SEPTIN3: variants seen among roughly 807,000 people sequenced by gnomAD.
SEPTIN3 encodes the protein neuronal-specific septin-3.
Under a neutral mutation model 45.1 loss-of-function variants are expected in SEPTIN3, and 15 were observed. The ratio of observed to expected loss-of-function variants is 0.33; its 90% confidence interval spans 0.22 to 0.51. The LOEUF (loss-of-function observed/expected upper bound fraction) is 0.51. SEPTIN3 is among the 20% of genes least tolerant of loss of function. SEPTIN3 has a pLI of 0.97. For synonymous variants in SEPTIN3, 148 were observed against 164.8 expected (o/e 0.90, Z 0.78); for missense variants, 289 against 457.2 (o/e 0.63, Z 3.35).
At chr22:41,992,500 T>C (rs182293638) in intron 8 of SEPTIN3, among the ~76,000 whole-genome samples, 164 bp from the exon 9 acceptor site, 6 of 152,314 alleles carry the variant, frequency 3.9e-5, no homozygotes, top group Non-Finnish European at 7.4e-5. Flanking sequence ...GGTGCTCTTT[T>C]CAAGAGACTG....
intron 2 of SEPTIN3, among the ~76,000 whole-genome samples, chr22:41,973,780 A>G (rs964593336): frequency 3.9e-5 from 6 of 152,118 alleles, no homozygotes. Flanking sequence ...CAGGAGTTCA[A>G]GACTAGCCTG....
In SEPTIN3 at chr22:41,994,532, T is replaced by C. The variant is rs1217417922; in HGVS notation, c.2412-89T>C. Reference sequence around the variant, plus strand: ...GCTCCTGGGAGTGGTTCCCATTCACTGGGTCCAGTCCCTCGAAGTGATGTG... The same window carrying C: ...GCTCCTGGGAGTGGTTCCCATTCACCGGGTCCAGTCCCTCGAAGTGATGTG... On this transcript the variant is annotated intron_variant, in intron 10 of 11. Coordinates refer to ENST00000644076, the MANE Select transcript of SEPTIN3 (RefSeq NM_001363845.2). This position sits in a 1 kb window ranked among gnomAD's most constrained non-coding sequence, Gnocchi z 4.2. The C allele has an allele frequency of 6.3e-7, 1 of 1,588,178 alleles. No homozygotes were observed. Among genetic ancestry groups the C allele is most frequent in the African/African-American group, 1.3e-5 (1 of 74,328 alleles).
chr22:41,988,751 G>A (rs1009383986), intron 6 of SEPTIN3, among the ~76,000 whole-genome samples: 14 of 152,094 alleles, frequency 9.2e-5, no homozygotes, highest in Non-Finnish European at 5.9e-5. Flanking sequence ...TTGTGGGAAG[G>A]GCAAGGCCTC....
chr22:41,985,754 G>A, intron 3 of SEPTIN3: 1 of 387,768 alleles, frequency 2.6e-6, no homozygotes, highest in Non-Finnish European at 4.7e-6. Context: ...GTGGCTCTGG[G>A]AAGGAGAGAA....
intron 7 of SEPTIN3, among the ~76,000 whole-genome samples, chr22:41,990,550 C>G (rs917515026): frequency 1.6e-4 from 23 of 141,930 alleles, no homozygotes; most frequent in Middle Eastern, 5.0e-3. Flanking sequence ...TCAAGACCAT[C>G]CTGGCTAACA....
At position 41,996,895 on chromosome 22, in the gene SEPTIN3, C is replaced by T. The variant is rs1422606270; in HGVS notation, c.2506-7C>T. The stretch of plus-strand genomic sequence containing the variant: ...CACACCCTCAACCGTTCTCAACCCC[C>T]CTGCAGGGAGAAGGCCTCCTGGGCA... On this transcript the variant is annotated splice_polypyrimidine_tract_variant and splice_region_variant and intron_variant, in intron 11 of 11. Coordinates refer to ENST00000644076, the MANE Select transcript of SEPTIN3 (RefSeq NM_001363845.2). 6.2e-7 allele frequency: 1 copy of T among 1,613,946 alleles called. No individual in the cohort carries two copies. Among genetic ancestry groups the T allele is most frequent in the Admixed American group, 1.7e-5 (1 of 60,008 alleles).
rs2077970928 is a variant in SEPTIN3, at chr22:41,972,613, T to C, written c.1121T>C (p.Met374Thr). ...ACAAGAAGCACAGCCAAACCAGATA[T>C]GACCACAGAGGGTATAGCCATGGAT... is the stretch of plus-strand genomic sequence containing the variant. Reference protein sequence around the residue: ...MATRSTAKPDMTTEGIAMDSA... With the variant: ...MATRSTAKPDTTTEGIAMDSA... The change falls in exon 2 of 12, where the codon ATG (methionine) becomes ACG (threonine). Residue 374 changes from methionine (M) to threonine (T), a missense_variant. Met to Thr is a moderately conservative substitution (Grantham distance 81). This residue lies in a region of SEPTIN3 where 200 missense variants were observed against 315.1 expected (regional missense o/e 0.63). Coordinates refer to ENST00000644076, the MANE Select transcript of SEPTIN3 (RefSeq NM_001363845.2). The C allele has an allele frequency of 2.5e-6, 1 of 399,100 alleles. No individual in the cohort carries two copies. Among genetic ancestry groups the C allele is most frequent in the East Asian group, 3.6e-5 (1 of 28,078 alleles). 24.7% of individuals were successfully genotyped at this position (399,100 alleles called of 1,614,324 possible). A position where few individuals can be genotyped will look rare whatever the true frequency, so the allele number is the denominator to read the frequency against.
chr22:41,974,094 C>T (rs560855540), intron 2 of SEPTIN3, among the ~76,000 whole-genome samples: 20 of 144,524 alleles, frequency 1.4e-4, no homozygotes, highest in Non-Finnish European at 2.4e-4. Context: ...CCCAGGAGGT[C>T]GAGGCTGCAG....
rs756660166 is a variant in SEPTIN3 at position 41,981,620 on chromosome 22, G to T, written c.1505-25G>T. ...CTGCCGTCCTCCTGATCACCCCTCCGACCCCTCCCACCTTGGCTCTGCAGG... is the reference window on the plus strand; with the variant it reads ...CTGCCGTCCTCCTGATCACCCCTCCTACCCCTCCCACCTTGGCTCTGCAGG... On this transcript the variant is annotated intron_variant, in intron 2 of 11. Transcript: ENST00000644076. The T allele has an allele frequency of 3.8e-6, 6 of 1,593,772 alleles. No individual in the cohort carries two copies. The East Asian group carries it at 1.4e-4, about 36-fold the overall frequency.
chr22:41,993,465 C>G (rs1271672081), intron 9 of SEPTIN3, among the ~76,000 whole-genome samples: 1 of 152,094 alleles, frequency 6.6e-6, no homozygotes, highest in African/African-American at 2.4e-5. Context: ...TCTGGGACTA[C>G]AGGTGCGGAC....
intron 3 of SEPTIN3, among the ~76,000 whole-genome samples, chr22:41,984,586 A>G (rs1216107560): frequency 6.6e-6 from 1 of 152,138 alleles, no homozygotes; most frequent in Non-Finnish European, 1.5e-5. Context: ...CCCAGGCTGG[A>G]GTACAGTTGC....
In SEPTIN3 at chr22:41,994,891, G is replaced by A. The variant is rs1201301611; in HGVS notation, c.2505+177G>A. ...TTTGTGGAGCATCTTGTCTGTGTGTGTGTGTGTGTGTGTGTGTGTGTGTGT... is the reference window on the plus strand; with the variant it reads ...TTTGTGGAGCATCTTGTCTGTGTGTATGTGTGTGTGTGTGTGTGTGTGTGT... On this transcript the variant is annotated intron_variant, in intron 11 of 11. Transcript: ENST00000644076. This position sits in a 1 kb window ranked among gnomAD's most constrained non-coding sequence, Gnocchi z 4.2. The A allele has an allele frequency of 6.0e-6, 8 of 1,329,160 alleles. 1 individual carries two copies. The highest frequency in any genetic ancestry group is 5.7e-5 in the South Asian group (4 of 70,224). 82.3% of individuals were successfully genotyped at this position (1,329,160 alleles called of 1,614,324 possible). A position where few individuals can be genotyped will look rare whatever the true frequency, so the allele number is the denominator to read the frequency against.
In SEPTIN3 at chr22:41,971,490, T is replaced by C. The variant is rs1202556972; in HGVS notation, c.-3T>C. The C allele has an allele frequency of 2.5e-6, 1 of 399,152 alleles. No homozygotes were observed. Among genetic ancestry groups the C allele is most frequent in the African/African-American group, 2.1e-5 (1 of 48,610 alleles). The allele number at this position is 399,152 out of a possible 1,614,324, so 24.7% of individuals were successfully genotyped here. ...TTGCCTCAGGGAAAGACAAACGACC[T>C]GGATGGACCACAACTTTGCTCCTGC... On this transcript the variant is annotated 5_prime_UTR_variant, in exon 2 of 12. Transcript: ENST00000644076.
intron 11 of SEPTIN3, chr22:41,996,265 C>T (rs766884255): frequency 1.2e-4 from 114 of 985,274 alleles, no homozygotes; most frequent in Non-Finnish European, 1.3e-4. Flanking sequence ...AAGTAAGTTA[C>T]TCTTTTCCTT....
chr22:41,996,854 G>A, intron 11 of SEPTIN3, 48 bp from the exon 12 acceptor site: 2 of 1,610,548 alleles, frequency 1.2e-6, no homozygotes, highest in Non-Finnish European at 1.7e-6. Flanking sequence ...TATGTCTGCT[G>A]CCAGCTGCTG....
rs754741650 is a variant in SEPTIN3, at chr22:41,996,944, A to AC, written c.2553dup (p.Cys852LeufsTer5). The AC allele has an allele frequency of 9.3e-6, 15 of 1,613,946 alleles. No individual in the cohort carries two copies. The highest frequency in any genetic ancestry group is 1.3e-5 in the Non-Finnish European group (15 of 1,179,884). ...CACTGTCCTTCCACCTGTGCCAGCCACCCCCTGCCCCACTGCTGAATGAAG... is the reference window on the plus strand; with the variant it reads ...CACTGTCCTTCCACCTGTGCCAGCCACCCCCCTGCCCCACTGCTGAATGAAG... On this transcript the variant is annotated frameshift_variant, in exon 12 of 12. Transcript: ENST00000644076. LOFTEE classifies it high-confidence loss of function.
At chr22:41,974,882 A>T (rs1329003230) in intron 2 of SEPTIN3, among the ~76,000 whole-genome samples, 1 of 150,072 alleles carries the variant, frequency 6.7e-6, no homozygotes, top group Non-Finnish European at 1.5e-5. Flanking sequence ...AAAAAAAAAA[A>T]AAAAAAGCAA....
rs9620003 is a variant in SEPTIN3, at chr22:41,987,502, A to G, written c.1908-120A>G. ...GCTGAGGGGGAATCTGGCAGCAGGTATCCTAGGCCCACCAACCAGGGAATG... is the reference window on the plus strand; with the variant it reads ...GCTGAGGGGGAATCTGGCAGCAGGTGTCCTAGGCCCACCAACCAGGGAATG... On this transcript the variant is annotated intron_variant, in intron 5 of 11. Transcript: ENST00000644076. The G allele has an allele frequency of 5.3e-4, 687 of 1,306,738 alleles. No homozygotes were observed. In the African/African-American group the frequency reaches 8.8e-3, roughly 17 times the overall value. 80.9% of individuals were successfully genotyped at this position (1,306,738 alleles called of 1,614,324 possible). A position where few individuals can be genotyped will look rare whatever the true frequency, so the allele number is the denominator to read the frequency against.
chr22:41,988,058 A>G (rs1302077537), intron 6 of SEPTIN3, among the ~76,000 whole-genome samples: 2 of 152,200 alleles, frequency 1.3e-5, no homozygotes, highest in Non-Finnish European at 2.9e-5. Context: ...GACTTGGTGA[A>G]TGTGAGCAGA....
Sources: allele counts gnomAD v4.1 joint callset (sites outside exome capture counted in the v4.1 genomes callset), GRCh38; gene constraint gnomAD v4.1.1; regional missense constraint gnomAD v4.1.1; non-coding constraint Gnocchi (gnomAD v3.1); transcripts MANE v1.5; gene names NCBI Gene and HGNC (gene_info 2026-07-23, HGNC 2026-07-21).